SYN3: variants seen among roughly 807,000 people sequenced by gnomAD.
SYN3 encodes the protein synapsin III, also known as synapsin-3.
A neutral mutation model predicts 65.8 loss-of-function variants in SYN3; 35 were observed. The ratio of observed to expected loss-of-function variants is 0.53; its 90% confidence interval spans 0.41 to 0.70. SYN3 has a LOEUF of 0.70. Among genes scored for constraint, SYN3 ranks in the 30% least tolerant of loss-of-function variants. The pLI is 0.00. For missense variants in SYN3, 680 were observed against 749.0 expected, an observed-to-expected ratio of 0.91 and a Z score of 1.08; for synonymous variants, 270 against 292.9, an observed-to-expected ratio of 0.92 and a Z score of 0.80.
intron 6 of SYN3, among the ~76,000 whole-genome samples, chr22:32,796,591 C>T (rs1484935495): frequency 6.6e-6 from 1 of 152,122 alleles, no homozygotes; most frequent in African/African-American, 2.4e-5. Context: ...CAGTGCTGGG[C>T]AGCAGCCCCA....
chr22:32,853,894 G>A (rs185415352), intron 6 of SYN3, among the ~76,000 whole-genome samples: 4 of 152,284 alleles, frequency 2.6e-5, no homozygotes, highest in African/African-American at 7.2e-5. Flanking sequence ...TCCAAGTGGC[G>A]AACACAGGTG....
intron 6 of SYN3, among the ~76,000 whole-genome samples, chr22:32,747,446 T>C (rs1416219321): frequency 1.3e-5 from 2 of 152,196 alleles, no homozygotes; most frequent in African/African-American, 4.8e-5. Flanking sequence ...ATTACCACAA[T>C]TGGGGCTGCT....
chr22:33,017,418 T>TA (rs2053485867), intron 1 of SYN3, among the ~76,000 whole-genome samples: 1 of 152,230 alleles, frequency 6.6e-6, no homozygotes, highest in Non-Finnish European at 1.5e-5. Flanking sequence ...CCATGAAAAA[T>TA]AACATTGGAA....
At chr22:32,798,685 C>CTTTTTTTT (rs751710119) in intron 6 of SYN3, among the ~76,000 whole-genome samples, 6 of 92,492 alleles carry the variant, frequency 6.5e-5, no homozygotes, top group East Asian at 2.9e-4. Context: ...CATCTTCATT[C>CTTTTTTTT]TTTTTTTTTT....
At chr22:32,824,884 C>T (rs887958002) in intron 6 of SYN3, among the ~76,000 whole-genome samples, 5 of 152,178 alleles carry the variant, frequency 3.3e-5, no homozygotes, top group African/African-American at 1.2e-4. Flanking sequence ...AACCAGAGTA[C>T]TTTTATAAGA....
rs2057657277 is a variant in SYN3 at position 32,508,507 on chromosome 22, G to A, written c.*5185C>T. The stretch of plus-strand genomic sequence containing the variant: ...CTTCACACAGACGCGCATGAAAGGG[G>A]CCCCAAGGAGAGGTCTCATGTTCTC... On this transcript the variant is annotated 3_prime_UTR_variant, in exon 14 of 14. Coordinates refer to ENST00000358763, the MANE Select transcript of SYN3 (RefSeq NM_003490.4). 1.3e-5 allele frequency among the ~76,000 whole-genome samples: 2 copies of A among 152,242 alleles called. No homozygotes were observed. The highest frequency in any genetic ancestry group is 2.9e-5 in the Non-Finnish European group (2 of 68,010).
At chr22:32,840,671 A>C (rs895813154) in intron 6 of SYN3, among the ~76,000 whole-genome samples, 1 of 151,634 alleles carries the variant, frequency 6.6e-6, no homozygotes, top group Non-Finnish European at 1.5e-5. Context: ...TCAGATCCAG[A>C]CTTCTTCCTC....
intron 6 of SYN3, among the ~76,000 whole-genome samples, chr22:32,752,873 G>A (rs1365603760): frequency 2.0e-5 from 3 of 152,174 alleles, no homozygotes; most frequent in Non-Finnish European, 4.4e-5. Context: ...TTCTCTGGCG[G>A]AAGTGTGTGG....
At chr22:32,972,814 G>A (rs1362639457) in intron 3 of SYN3, among the ~76,000 whole-genome samples, 1 of 151,544 alleles carries the variant, frequency 6.6e-6, no homozygotes, top group Non-Finnish European at 1.5e-5. Flanking sequence ...GCAACATCGC[G>A]ATGCCTTATC....
chr22:32,994,587 G>T (rs1247728892), intron 2 of SYN3, among the ~76,000 whole-genome samples: 1 of 152,156 alleles, frequency 6.6e-6, no homozygotes, highest in Non-Finnish European at 1.5e-5. Context: ...CAAGGATTTT[G>T]TTCCTCAGAG....
intron 6 of SYN3, among the ~76,000 whole-genome samples, chr22:32,777,825 T>C (rs2045945903): frequency 6.6e-6 from 1 of 152,246 alleles, no homozygotes; most frequent in African/African-American, 2.4e-5. Flanking sequence ...AATGCTAGCT[T>C]TGGGTTCACC....
chr22:32,743,632 G>A (rs2044842834), intron 6 of SYN3, among the ~76,000 whole-genome samples: 2 of 152,142 alleles, frequency 1.3e-5, no homozygotes, highest in Non-Finnish European at 2.9e-5. Flanking sequence ...GATAGGGTGG[G>A]TGGTCAGTAT....
intron 11 of SYN3, 148 bp downstream of exon 11, chr22:32,528,726 A>G (rs1255479176): frequency 1.9e-5 from 21 of 1,133,300 alleles, no homozygotes; most frequent in Admixed American, 8.1e-5. Context: ...GCTCTCCCCA[A>G]TGTCTGGCCT....
chr22:32,622,958 G>A (rs775668025), intron 6 of SYN3, among the ~76,000 whole-genome samples: 20 of 152,218 alleles, frequency 1.3e-4, no homozygotes, highest in East Asian at 3.9e-4. Flanking sequence ...TGAGAGCACA[G>A]CAGAAGTGTA....
intron 1 of SYN3, among the ~76,000 whole-genome samples, chr22:33,043,936 C>T (rs1195543158): frequency 6.6e-6 from 1 of 151,932 alleles, no homozygotes; most frequent in Non-Finnish European, 1.5e-5. Flanking sequence ...ACCTGTAGTC[C>T]CAGCTACTCG....
At chr22:32,892,570 G>A (rs2049481646) in intron 4 of SYN3, among the ~76,000 whole-genome samples, 1 of 152,212 alleles carries the variant, frequency 6.6e-6, no homozygotes, top group African/African-American at 2.4e-5. Context: ...ACCAGCATGG[G>A]AGAGAGAGAT....
chr22:32,819,959 T>C (rs141029447), intron 6 of SYN3, among the ~76,000 whole-genome samples: 2 of 152,284 alleles, frequency 1.3e-5, no homozygotes, highest in African/African-American at 4.8e-5. Flanking sequence ...ACCACATGGC[T>C]TCCTGGGAAA....
chr22:32,785,893 C>T (rs1030571313), intron 6 of SYN3, among the ~76,000 whole-genome samples: 5 of 152,020 alleles, frequency 3.3e-5, no homozygotes, highest in African/African-American at 1.2e-4. Flanking sequence ...GGTGTAGGGG[C>T]TCAGTAAATA....
At chr22:32,723,462 C>A (rs1174908440) in intron 6 of SYN3, among the ~76,000 whole-genome samples, 1 of 152,192 alleles carries the variant, frequency 6.6e-6, no homozygotes, top group African/African-American at 2.4e-5. Flanking sequence ...AGATCCAGCC[C>A]TCTCATGTAA....
Sources: allele counts gnomAD v4.1 joint callset (sites outside exome capture counted in the v4.1 genomes callset), GRCh38; gene constraint gnomAD v4.1.1; transcripts MANE v1.5; gene names NCBI Gene and HGNC (gene_info 2026-07-23, HGNC 2026-07-21).